MGST1: variants seen among roughly 807,000 people sequenced by gnomAD.
The protein encoded by MGST1 is glutathione S-transferase 12.
Under a neutral mutation model 8.9 loss-of-function variants are expected in MGST1, and 5 were observed. The observed-to-expected ratio is 0.56, with a 90% CI of 0.29 to 1.19. MGST1 has a LOEUF of 1.19. Ranked by LOEUF, MGST1 falls within the 50% of genes most tolerant of loss-of-function variation. The pLI, the probability that MGST1 is intolerant of heterozygous loss-of-function variation, is 0.08. For synonymous variants in MGST1, 54 were observed against 67.8 expected (o/e 0.80, Z 1.00); for missense variants, 182 against 187.4 (o/e 0.97, Z 0.17).
chr12:16,431,028 T>C (rs1940934958), intron 1 of MGST1, among the ~76,000 whole-genome samples: 1 of 152,246 alleles, frequency 6.6e-6, no homozygotes, highest in South Asian at 2.1e-4. Context: ...CAGCACTGGT[T>C]ACCTCAACTT....
At chr12:16,462,502 A>T (rs1483743612) in intron 4 of MGST1, among the ~76,000 whole-genome samples, 1 of 151,980 alleles carries the variant, frequency 6.6e-6, no homozygotes, top group Non-Finnish European at 1.5e-5. Context: ...ATCTTTTTAG[A>T]ATGTATAAAT....
Position 16,562,038 on chromosome 12 carries a change from T to C in MGST1, n.483-27490T>C, listed in dbSNP as rs16912033. 6.2e-3 allele frequency among the ~76,000 whole-genome samples: 944 copies of C among 152,298 alleles called. 34 individuals are homozygous for C. The East Asian group carries it at 0.084, about 14-fold the overall frequency. ...ACTATAACCCAAGTAACCTTCATGT[T>C]CTCCTTTTGTAATCTGTATTTTGAT... On this transcript the variant is annotated intron_variant and non_coding_transcript_variant, in intron 4 of 4. Coordinates refer to the MGST1 transcript ENST00000538857.
At position 16,546,747 on chromosome 12, in the gene MGST1, G is replaced by C. The variant is rs185150684; in HGVS notation, n.483-42781G>C. Among the ~76,000 whole-genome samples, 58 of 152,146 alleles carry C rather than the reference G, an allele frequency of 3.8e-4. No individual in the cohort carries two copies. In the East Asian group the frequency reaches 8.7e-3, roughly 23 times the overall value. On this transcript the variant is annotated intron_variant and non_coding_transcript_variant, in intron 4 of 4. Coordinates refer to the MGST1 transcript ENST00000538857. The surrounding 1 kb of genome is among the most constrained non-coding windows in gnomAD (Gnocchi z 4.7). ...GAATGGCATTTACCAAGATAGTTGG[G>C]AAAGTTTAGTTGGTGACTTTTTATG...
intron 4 of MGST1, among the ~76,000 whole-genome samples, chr12:16,558,017 T>C (rs1942257425): frequency 6.6e-6 from 1 of 152,028 alleles, no homozygotes; most frequent in East Asian, 1.9e-4. Context: ...ATAGAAGACA[T>C]ATGTGAAGCT....
intron 2 of MGST1, among the ~76,000 whole-genome samples, chr12:16,357,051 A>G (rs937394977): frequency 2.6e-5 from 4 of 152,082 alleles, no homozygotes; most frequent in African/African-American, 9.7e-5. Context: ...CACTATTTTT[A>G]TTCACTGGTT....
At chr12:16,570,980 A>G (rs1431571878) in intron 4 of MGST1, among the ~76,000 whole-genome samples, 1 of 152,156 alleles carries the variant, frequency 6.6e-6, no homozygotes, top group African/African-American at 2.4e-5. Context: ...ACATGTATAC[A>G]TATGTAACTA....
At chr12:16,418,779 TAAATA>T (rs1290894233) in intron 1 of MGST1, among the ~76,000 whole-genome samples, 1 of 152,112 alleles carries the variant, frequency 6.6e-6, no homozygotes, top group African/African-American at 2.4e-5. Context: ...CACTTGGGAA[TAAATA>T]AAATAATACA....
chr12:16,372,464 A>C (rs2137024852), intron 3 of MGST1, among the ~76,000 whole-genome samples: 1 of 152,230 alleles, frequency 6.6e-6, no homozygotes, highest in South Asian at 2.1e-4. Context: ...AATACAAATC[A>C]AAACCACAAT....
intron 4 of MGST1, among the ~76,000 whole-genome samples, chr12:16,449,584 T>C (rs1038274633): frequency 6.6e-6 from 1 of 151,924 alleles, no homozygotes; most frequent in Non-Finnish European, 1.5e-5. Context: ...TCTGCCTGTC[T>C]GTGACATAAT....
At chr12:16,492,286 GCATTAAAGT>G (rs1016617065) in intron 4 of MGST1, among the ~76,000 whole-genome samples, 2 of 152,148 alleles carry the variant, frequency 1.3e-5, no homozygotes, top group African/African-American at 4.8e-5. Flanking sequence ...CTTTAGGGTA[GCATTAAAGT>G]CACCATGTTT....
At chr12:16,463,980 G>A (rs538358710) in intron 4 of MGST1, among the ~76,000 whole-genome samples, 177 of 152,300 alleles carry the variant, frequency 1.2e-3, no homozygotes, top group Non-Finnish European at 2.1e-3. Context: ...AGGCCACAGG[G>A]CATGGTTGTT....
intron 4 of MGST1, among the ~76,000 whole-genome samples, chr12:16,492,449 G>C (rs1941446120): frequency 6.6e-6 from 1 of 152,094 alleles, no homozygotes; most frequent in African/African-American, 2.4e-5. Flanking sequence ...TCTCCTCCCA[G>C]CAGAGGCAGT....
intron 4 of MGST1, among the ~76,000 whole-genome samples, chr12:16,577,588 T>A (rs1302465033): frequency 6.6e-6 from 1 of 152,158 alleles, no homozygotes; most frequent in Non-Finnish European, 1.5e-5. Context: ...ATTTCCCCTG[T>A]TCACAAAACG....
intron 1 of MGST1, among the ~76,000 whole-genome samples, chr12:16,412,493 T>G (rs1330114978): frequency 1.3e-5 from 2 of 152,224 alleles, no homozygotes; most frequent in African/African-American, 2.4e-5. Flanking sequence ...ATATTTCAAC[T>G]TTGACATCCA....
intron 1 of MGST1, among the ~76,000 whole-genome samples, chr12:16,384,337 T>C (rs1241736354): frequency 1.3e-5 from 2 of 152,172 alleles, no homozygotes; most frequent in East Asian, 1.9e-4. Flanking sequence ...GTTATCTCGA[T>C]GAGATTATTC....
At chr12:16,540,965 A>AT in intron 4 of MGST1, among the ~76,000 whole-genome samples, 1 of 152,302 alleles carries the variant, frequency 6.6e-6, no homozygotes, top group Non-Finnish European at 1.5e-5. Context: ...TTAAAACCTG[A>AT]TTTTGGATTC....
downstream of MGST1, among the ~76,000 whole-genome samples, chr12:16,381,828 G>A (rs1591712766): frequency 6.6e-6 from 1 of 152,120 alleles, no homozygotes; most frequent in Admixed American, 6.5e-5. Context: ...TGGAGGCTTT[G>A]TTCATTTCTT....
chr12:16,380,932 T>G (rs967765941), downstream of MGST1, among the ~76,000 whole-genome samples: 5 of 152,196 alleles, frequency 3.3e-5, no homozygotes, highest in African/African-American at 1.2e-4. Flanking sequence ...TTTGTTGGTT[T>G]AAAGTCTGTT....
chr12:16,400,616 G>A, intron 1 of MGST1: 1 of 1,239,338 alleles, frequency 8.1e-7, no homozygotes, highest in Non-Finnish European at 1.2e-6. Flanking sequence ...GTCATCGTAT[G>A]ACGCTTGGTA....
Sources: allele counts gnomAD v4.1 joint callset (sites outside exome capture counted in the v4.1 genomes callset), GRCh38; gene constraint gnomAD v4.1.1; non-coding constraint Gnocchi (gnomAD v3.1); transcripts MANE v1.5; gene names NCBI Gene and HGNC (gene_info 2026-07-23, HGNC 2026-07-21).